ATXN7L1: variants seen among roughly 807,000 people sequenced by gnomAD.
ATXN7L1 encodes ataxin-7-like protein 1.
Under a neutral mutation model 70.8 loss-of-function variants are expected in ATXN7L1, and 15 were observed. That is an observed-to-expected ratio of 0.21 (90% CI 0.14 to 0.33). ATXN7L1 has a LOEUF of 0.33. ATXN7L1 is among the 10% of genes least tolerant of loss of function. ATXN7L1 has a pLI of 1.00. For missense variants in ATXN7L1, 975 were observed against 1,097.1 expected, an observed-to-expected ratio of 0.89 and a Z score of 1.57; for synonymous variants, 440 against 445.1, an observed-to-expected ratio of 0.99 and a Z score of 0.14.
chr7:105,831,081 T>C (rs893958573), intron 2 of ATXN7L1, among the ~76,000 whole-genome samples: 5 of 152,188 alleles, frequency 3.3e-5, no homozygotes, highest in African/African-American at 7.2e-5. Flanking sequence ...GGATAAAGAA[T>C]GAGGTGCTCC....
In ATXN7L1 at chr7:105,620,189, T is replaced by C. The variant is rs775535907; in HGVS notation, c.1517+11A>G. On this transcript the variant is annotated intron_variant, in intron 9 of 11. Transcript: ENST00000419735. ...CTTGGATCTTATATTGCACAAAAGC[T>C]GCTCACTTACTTCCACATCTGTGAA... 6.4e-6 allele frequency: 10 copies of C among 1,551,030 alleles called. No homozygotes were observed. The South Asian group carries it at 1.2e-4, about 18-fold the overall frequency.
intron 3 of ATXN7L1, among the ~76,000 whole-genome samples, chr7:105,728,543 T>C (rs1245862379): frequency 5.3e-5 from 8 of 152,178 alleles, no homozygotes; most frequent in Non-Finnish European, 1.0e-4. Flanking sequence ...TGATACCTAT[T>C]TATAGCTATA....
chr7:105,710,723 G>T (rs570389901), intron 3 of ATXN7L1, among the ~76,000 whole-genome samples: 18 of 152,174 alleles, frequency 1.2e-4, no homozygotes, highest in Non-Finnish European at 2.5e-4. Flanking sequence ...CATCTTTTTG[G>T]TTTAAACACT....
chr7:105,633,790 T>C (rs1383388198), intron 7 of ATXN7L1, among the ~76,000 whole-genome samples: 1 of 152,040 alleles, frequency 6.6e-6, no homozygotes, highest in Non-Finnish European at 1.5e-5. Flanking sequence ...CTATAATAAG[T>C]TCCAGTTGCC....
At chr7:105,833,327 C>G (rs1255488588) in intron 2 of ATXN7L1, among the ~76,000 whole-genome samples, 2 of 152,172 alleles carry the variant, frequency 1.3e-5, no homozygotes, top group African/African-American at 4.8e-5. Context: ...CCTACTAGAT[C>G]GTAGGTGCCG....
At position 105,606,197 on chromosome 7, in the gene ATXN7L1, A is replaced by G. The variant is rs1792757691; in HGVS notation, c.*1655T>C. 1 of 152,240 alleles carries G rather than the reference A, an allele frequency of 6.6e-6. No homozygotes were observed. The highest frequency in any genetic ancestry group is 2.4e-5 in the African/African-American group (1 of 41,472). The allele number at this position is 152,240 out of a possible 1,614,324, so 9.4% of individuals were successfully genotyped here. A position where few individuals can be genotyped will look rare whatever the true frequency, so the allele number is the denominator to read the frequency against. ...ATCCGAACTAATGTCCTGGTACTTAATATCAACTCCTGATTTTTAAACAAA... is the reference window on the plus strand; with the variant it reads ...ATCCGAACTAATGTCCTGGTACTTAGTATCAACTCCTGATTTTTAAACAAA... On this transcript the variant is annotated 3_prime_UTR_variant, in exon 12 of 12. Coordinates refer to ENST00000419735, the MANE Select transcript of ATXN7L1 (RefSeq NM_020725.2).
chr7:105,695,420 G>C (rs988773057), intron 3 of ATXN7L1, among the ~76,000 whole-genome samples: 1 of 152,184 alleles, frequency 6.6e-6, no homozygotes, highest in Admixed American at 6.5e-5. Context: ...CCACAGTGTG[G>C]GGGGAGCTTC....
At chr7:105,686,414 GCTGAGGCAGGAGAATCC>G (rs1319168008) in intron 3 of ATXN7L1, among the ~76,000 whole-genome samples, 2 of 152,168 alleles carry the variant, frequency 1.3e-5, no homozygotes, top group East Asian at 3.9e-4. Context: ...TACTTGGGAG[GCTGAGGCAGGAGAATCC>G]CTTGAACCCA....
intron 3 of ATXN7L1, among the ~76,000 whole-genome samples, chr7:105,732,078 G>C (rs1241810547): frequency 6.6e-6 from 1 of 152,064 alleles, no homozygotes; most frequent in African/African-American, 2.4e-5. Context: ...GGGGGACAAA[G>C]TGAAACTCTG....
intron 2 of ATXN7L1, among the ~76,000 whole-genome samples, chr7:105,828,764 A>C (rs1235733395): frequency 6.6e-6 from 1 of 152,144 alleles, no homozygotes; most frequent in Non-Finnish European, 1.5e-5. Flanking sequence ...GCTTAAGGGG[A>C]AGAAAGAACT....
In ATXN7L1 at chr7:105,665,147, T is replaced by C. The variant is rs774256109; in HGVS notation, c.497A>G (p.Lys166Arg). ...HSASSTSKPF[K>R]TPKDNLLTSS... ...GGTAAGTAGATTGTCTTTGGGCGTTTTGAATGGCTTTGAGGTGCTGCTGGC... is the reference window on the plus strand; with the variant it reads ...GGTAAGTAGATTGTCTTTGGGCGTTCTGAATGGCTTTGAGGTGCTGCTGGC... Residue 166 changes from lysine (K) to arginine (R), a missense_variant, in exon 4 of 12, where the codon AAA becomes AGA. Around this residue, in one of 5 missense-constraint regions of ATXN7L1, gnomAD observed 192 missense variants for 215.5 expected, o/e 0.89. Transcript: ENST00000419735. The C allele has an allele frequency of 1.3e-6, 2 of 1,551,594 alleles. No individual in the cohort carries two copies. Among genetic ancestry groups the C allele is most frequent in the East Asian group, 4.9e-5 (2 of 40,926 alleles).
chr7:105,679,673 C>T (rs1805268880), intron 3 of ATXN7L1, among the ~76,000 whole-genome samples: 1 of 152,072 alleles, frequency 6.6e-6, no homozygotes, highest in Non-Finnish European at 1.5e-5. Context: ...GGGGAGAATG[C>T]CTACCAAAAC....
intron 7 of ATXN7L1, among the ~76,000 whole-genome samples, chr7:105,636,332 T>C (rs1009153765): frequency 2.0e-5 from 3 of 151,050 alleles, no homozygotes; most frequent in Non-Finnish European, 4.4e-5. Flanking sequence ...GAGGCGGAGG[T>C]TGCAGTGAGC....
intron 2 of ATXN7L1, chr7:105,819,845 T>TG (rs1420286036): frequency 2.3e-5 from 14 of 612,970 alleles, no homozygotes; most frequent in Non-Finnish European, 3.1e-5. Flanking sequence ...AAGCGGATGG[T>TG]GGTTCCTGCT....
At chr7:105,723,856 C>A (rs1266561526) in intron 3 of ATXN7L1, among the ~76,000 whole-genome samples, 2 of 152,156 alleles carry the variant, frequency 1.3e-5, no homozygotes, top group Non-Finnish European at 1.5e-5. Flanking sequence ...AGTGTCCATG[C>A]GGCTGCTGAG....
At chr7:105,850,087 G>A (rs562257025) in intron 2 of ATXN7L1, among the ~76,000 whole-genome samples, 3 of 152,282 alleles carry the variant, frequency 2.0e-5, no homozygotes, top group African/African-American at 7.2e-5. Context: ...TTTTCTCAGT[G>A]TTACATAAAA....
intron 3 of ATXN7L1, among the ~76,000 whole-genome samples, chr7:105,726,308 C>T (rs1795811423): frequency 6.6e-6 from 1 of 152,026 alleles, no homozygotes. Flanking sequence ...ACAAAGAAGG[C>T]TCTAGGAGCA....
At chr7:105,646,456 C>T (rs1456021813) in intron 4 of ATXN7L1, among the ~76,000 whole-genome samples, 1 of 152,080 alleles carries the variant, frequency 6.6e-6, no homozygotes, top group Admixed American at 6.5e-5. Flanking sequence ...GTGTCTCTGT[C>T]ACCCAGGTTG....
chr7:105,702,507 T>A (rs1792572386), intron 3 of ATXN7L1, among the ~76,000 whole-genome samples: 1 of 151,772 alleles, frequency 6.6e-6, no homozygotes, highest in South Asian at 2.1e-4. Context: ...CTGGTCACTT[T>A]AGATATAACC....
Sources: allele counts gnomAD v4.1 joint callset (sites outside exome capture counted in the v4.1 genomes callset), GRCh38; gene constraint gnomAD v4.1.1; regional missense constraint gnomAD v4.1.1; transcripts MANE v1.5; gene names NCBI Gene and HGNC (gene_info 2026-07-23, HGNC 2026-07-21).